DPYSL4: variants seen among roughly 807,000 people sequenced by gnomAD.
DPYSL4 encodes the protein dihydropyrimidinase-related protein 4.
A neutral mutation model predicts 63.4 loss-of-function variants in DPYSL4; 43 were observed. The observed-to-expected ratio is 0.68, with a 90% confidence interval of 0.53 to 0.88. DPYSL4 has a LOEUF of 0.88. Among genes scored for constraint, DPYSL4 ranks in the 40% least tolerant of loss-of-function variants. DPYSL4 has a pLI of 0.00. For missense variants in DPYSL4, 733 were observed against 819.5 expected (o/e 0.89, Z 1.29); for synonymous variants, 353 against 331.7 (o/e 1.06, Z -0.70).
chr10:132,189,134 G>C (rs935904356), intron 1 of DPYSL4, among the ~76,000 whole-genome samples: 1 of 152,224 alleles, frequency 6.6e-6, no homozygotes, highest in Non-Finnish European at 1.5e-5. Context: ...TAGGGCCCTG[G>C]CCACCTATGG....
intron 2 of DPYSL4, among the ~76,000 whole-genome samples, chr10:132,191,321 C>T (rs2061873345): frequency 6.8e-6 from 1 of 146,484 alleles, no homozygotes; most frequent in Non-Finnish European, 1.5e-5. Flanking sequence ...CTTGTGTACA[C>T]ACTGGCCACG....
chr10:132,187,374 C>T (rs578032055), intron 1 of DPYSL4, among the ~76,000 whole-genome samples: 114 of 17,130 alleles, frequency 6.7e-3, no homozygotes, highest in East Asian at 0.032. Context: ...CTGCCGGGCC[C>T]TGCCCGGCCT....
chr10:132,194,177 G>T (rs534918818), intron 3 of DPYSL4, among the ~76,000 whole-genome samples: 2 of 152,388 alleles, frequency 1.3e-5, no homozygotes, highest in South Asian at 2.1e-4. Flanking sequence ...ACTTCATCTT[G>T]TTGGGATGAG....
In DPYSL4 at chr10:132,196,887, G is replaced by A. The variant is rs2061952301; in HGVS notation, c.505G>A (p.Ala169Thr). 1.2e-6 allele frequency: 2 copies of A among 1,613,656 alleles called. No homozygotes were observed. Among genetic ancestry groups the A allele is most frequent in the East Asian group, 2.2e-5 (1 of 44,894 alleles). ...TGTGAACTCCTTCCTGGTCTTCATG[G>A]CATACAAGGACCGGTGCCAGTGCAG... ...KGVNSFLVFM[A>T]YKDRCQCSDS... Residue 169 changes from alanine (A) to threonine (T), a missense_variant, in exon 5 of 14, where the codon GCA becomes ACA. Ala to Thr is a moderately conservative substitution (Grantham distance 58, BLOSUM62 0). Transcript: ENST00000338492.
Position 132,186,995 on chromosome 10 carries a change from C to CCGGGGGGGGGGG in DPYSL4, c.-68_-67insGGGGGGGGGGGC. 2.8e-5 allele frequency: 1 copy of CCGGGGGGGGGGG among 36,148 alleles called. No individual in the cohort carries two copies. The highest frequency in any genetic ancestry group is 5.3e-5 in the Non-Finnish European group (1 of 18,952). The allele number at this position is 36,148 out of a possible 1,614,324, so 2.2% of individuals were successfully genotyped here. A position where few individuals can be genotyped will look rare whatever the true frequency, so the allele number is the denominator to read the frequency against. On this transcript the variant is annotated 5_prime_UTR_variant, in exon 1 of 14. Transcript: ENST00000338492. ...CACGCACGCGTCCCGGCTCACGCGT[C>CCGGGGGGGGGGG]CCCCCGCCCGCCCGCCCGCCCGCCC...
In DPYSL4 at chr10:132,192,960, C is replaced by T. The variant is rs2061897164; in HGVS notation, c.313+118C>T. 2.2e-5 allele frequency: 23 copies of T among 1,033,030 alleles called. 1 individual carries two copies. In the South Asian group the frequency reaches 3.7e-4, roughly 17 times the overall value. 64.0% of individuals were successfully genotyped at this position (1,033,030 alleles called of 1,614,324 possible). A position where few individuals can be genotyped will look rare whatever the true frequency, so the allele number is the denominator to read the frequency against. On this transcript the variant is annotated intron_variant, in intron 3 of 13. Coordinates refer to ENST00000338492, the MANE Select transcript of DPYSL4 (RefSeq NM_006426.3). ...AAAGGTGCCTTTCTCAGCTGTCTGC[C>T]TTTATTGCATCTGTCTGAGAACCTG... is the stretch of plus-strand genomic sequence containing the variant.
chr10:132,190,649 T>A, intron 1 of DPYSL4, 98 bp from the exon 2 acceptor site: 1 of 1,223,592 alleles, frequency 8.2e-7, no homozygotes, highest in Non-Finnish European at 1.1e-6. Flanking sequence ...AAATTTTGCC[T>A]GAATGTTTCA....
At position 132,197,046 on chromosome 10, in the gene DPYSL4, G is replaced by A. The variant is rs546417150; in HGVS notation, c.566G>A (p.Arg189Gln). Residue 189 changes from arginine to glutamine, a missense_variant, in exon 6 of 14, where the codon CGG (arginine) becomes CAG (glutamine). Coordinates refer to ENST00000338492, the MANE Select transcript of DPYSL4 (RefSeq NM_006426.3). ...SQMYEIFSII[R>Q]DLGALAQVHA... The stretch of plus-strand genomic sequence containing the variant: ...ATGTACGAGATCTTCAGCATCATCC[G>A]GGACCTGGGGGCCTTGGCCCAGGTG... 28 of 1,588,942 alleles carry A rather than the reference G, an allele frequency of 1.8e-5. No homozygotes were observed. In the Admixed American group the frequency reaches 3.0e-4, roughly 17 times the overall value.
intron 4 of DPYSL4, 100 bp downstream of exon 4, chr10:132,195,109 G>T: frequency 7.3e-7 from 1 of 1,373,414 alleles, no homozygotes; most frequent in Non-Finnish European, 9.7e-7. Flanking sequence ...CTGCCCTGGG[G>T]GCTGGTGTCC....
At position 132,200,966 on chromosome 10, in the gene DPYSL4, G is replaced by T; in HGVS notation, c.1093G>T (p.Val365Phe). The T allele has an allele frequency of 1.9e-6, 3 of 1,613,176 alleles. No homozygotes were observed. Among genetic ancestry groups the T allele is most frequent in the Non-Finnish European group, 2.5e-6 (3 of 1,179,938 alleles). The change falls in exon 10 of 14, where the codon GTC becomes TTC. Residue 365 changes from valine (V) to phenylalanine (F), a missense_variant. By Grantham distance (50) the Val-to-Phe change is conservative. Coordinates refer to ENST00000338492, the MANE Select transcript of DPYSL4 (RefSeq NM_006426.3). ...TNGIEERMSM[V>F]WEKCVASGKM... Reference sequence around the variant, plus strand: ...CGGCATTGAGGAGCGCATGTCGATGGTCTGGGAGAAATGTGTGGTGAGCAC... The same window carrying T: ...CGGCATTGAGGAGCGCATGTCGATGTTCTGGGAGAAATGTGTGGTGAGCAC...
At chr10:132,200,654 G>A (rs2062001686) in intron 9 of DPYSL4, 142 bp downstream of exon 9, 1 of 1,381,898 alleles carries the variant, frequency 7.2e-7, no homozygotes, top group South Asian at 1.4e-5. Flanking sequence ...GAGCCCTTTG[G>A]TCCCAGCGGG....
At chr10:132,198,717 C>T (rs536261496) in intron 7 of DPYSL4, 134 bp from the exon 8 acceptor site, 8 of 1,382,902 alleles carry the variant, frequency 5.8e-6, no homozygotes, top group African/African-American at 2.9e-5. Context: ...GCACTGAGCC[C>T]GAGGCTGGGC....
chr10:132,190,796 C>T lies in DPYSL4; in HGVS notation c.89C>T (p.Ser30Phe), dbSNP rs1379594717. The change falls in exon 2 of 14, where the codon TCC (serine) becomes TTC (phenylalanine). Residue 30 changes from serine (S) to phenylalanine (F), a missense_variant. By Grantham distance (155) the Ser-to-Phe change is radical. Transcript: ENST00000338492. ...GGGAGGATCGTGAATGACGACCAGT[C>T]CTTTTACGCTGATGTGCACGTGGAA... ...RGGRIVNDDQ[S>F]FYADVHVEDG... is the part of the protein sequence containing the mutation. The T allele has an allele frequency of 1.2e-6, 2 of 1,613,794 alleles. No individual in the cohort carries two copies. Among genetic ancestry groups the T allele is most frequent in the Non-Finnish European group, 1.7e-6 (2 of 1,179,846 alleles).
chr10:132,194,982 G>C lies in DPYSL4; in HGVS notation c.451G>C (p.Glu151Gln), dbSNP rs2061924569. ...CCGATGGCATGAGAGCATCAAGGAG[G>C]AGCTGGAGGCCCTGGTCAAGGAGAA... ...ITRWHESIKE[E>Q]LEALVKEKGV... is the part of the protein sequence containing the mutation. The change falls in exon 4 of 14, where the codon GAG becomes CAG. Residue 151 changes from glutamate to glutamine, a missense_variant. Physicochemically the swap from Glu to Gln is conservative, Grantham distance 29. Transcript: ENST00000338492. 1 of 1,607,618 alleles carries C rather than the reference G, an allele frequency of 6.2e-7. No individual in the cohort carries two copies.
In DPYSL4 at chr10:132,200,950, G is replaced by C; in HGVS notation, c.1077G>C (p.Glu359Asp). The change falls in exon 10 of 14, where the codon GAG becomes GAC. Residue 359 changes from glutamate to aspartate, a missense_variant. Coordinates refer to ENST00000338492, the MANE Select transcript of DPYSL4 (RefSeq NM_006426.3). ...ALIPEGTNGI[E>D]ERMSMVWEKC... ...TCCCCGAGGGCACCAACGGCATTGA[G>C]GAGCGCATGTCGATGGTCTGGGAGA... 1 of 1,613,350 alleles carries C rather than the reference G, an allele frequency of 6.2e-7. No homozygotes were observed. Among genetic ancestry groups the C allele is most frequent in the Non-Finnish European group, 8.5e-7 (1 of 1,179,972 alleles).
chr10:132,187,089 T>TC lies in DPYSL4; in HGVS notation c.31dup (p.Arg11ProfsTer5). On this transcript the variant is annotated frameshift_variant, in exon 1 of 14. Coordinates refer to ENST00000338492, the MANE Select transcript of DPYSL4 (RefSeq NM_006426.3). LOFTEE classifies it high-confidence loss of function. ...ATGTCCTTCCAGGGCAAGAAAAGCA[T>TC]CCCCCGGATCACGGTGAGCCCGGTC... 2 of 1,355,928 alleles carry TC rather than the reference T, an allele frequency of 1.5e-6. No homozygotes were observed. Among genetic ancestry groups the TC allele is most frequent in the Non-Finnish European group, 1.9e-6 (2 of 1,027,040 alleles). The allele number at this position is 1,355,928 out of a possible 1,614,324, so 84.0% of individuals were successfully genotyped here.
chr10:132,194,911 C>G lies in DPYSL4; in HGVS notation c.380C>G (p.Ala127Gly), dbSNP rs767534507. 6 of 1,612,452 alleles carry G rather than the reference C, an allele frequency of 3.7e-6. No individual in the cohort carries two copies. In the South Asian group the frequency reaches 6.6e-5, roughly 18 times the overall value. The change falls in exon 4 of 14, where the codon GCG becomes GGG. Residue 127 changes from alanine (A) to glycine (G), a missense_variant. By Grantham distance (60) the Ala-to-Gly change is moderately conservative. Coordinates refer to ENST00000338492, the MANE Select transcript of DPYSL4 (RefSeq NM_006426.3). ...LAAYEQWRER[A>G]DSAACCDYSL... ...GCCTACGAGCAGTGGCGGGAGCGGG[C>G]GGACAGCGCGGCCTGCTGCGACTAC... is the stretch of plus-strand genomic sequence containing the variant.
At chr10:132,199,856 G>A (rs962084421) in intron 8 of DPYSL4, among the ~76,000 whole-genome samples, 1 of 151,972 alleles carries the variant, frequency 6.6e-6, no homozygotes, top group Non-Finnish European at 1.5e-5. Context: ...AGCAGCCTCG[G>A]GGCAGCAGGC....
chr10:132,193,957 C>G (rs2061908781), intron 3 of DPYSL4, among the ~76,000 whole-genome samples: 1 of 152,256 alleles, frequency 6.6e-6, no homozygotes, highest in African/African-American at 2.4e-5. Context: ...ACTGCTCGCG[C>G]CCTTCAGGGG....
Sources: gnomAD v4.1 joint callset for allele counts (sites outside exome capture counted in the v4.1 genomes callset) on GRCh38, gnomAD v4.1.1 for gene constraint, MANE v1.5 for transcripts, NCBI Gene and HGNC (gene_info 2026-07-23, HGNC 2026-07-21) for gene names.